The following GSS variants were observed in gnomAD, a reference collection of about 807,000 sequenced individuals.
GSS encodes the protein GSH synthetase.
GSS carries 34 observed loss-of-function variants against 60.4 expected under a neutral mutation model. The ratio of observed to expected loss-of-function variants is 0.56; its 90% CI spans 0.43 to 0.75. GSS has a LOEUF of 0.75. Ranked by LOEUF, GSS falls within the 30% of genes least tolerant of loss-of-function variation. The pLI, the probability that GSS is intolerant of heterozygous loss-of-function variation, is 0.00. For missense variants in GSS, 499 were observed against 595.1 expected (o/e 0.84, Z 1.68); for synonymous variants, 224 against 239.0 (o/e 0.94, Z 0.58).
chr20:34,951,180 C>G (rs2147136259), intron 2 of GSS, among the ~76,000 whole-genome samples: 1 of 152,108 alleles, frequency 6.6e-6, no homozygotes, highest in Admixed American at 6.5e-5. Flanking sequence ...GAAGATGACC[C>G]TAATAGAAGG....
intron 8 of GSS, among the ~76,000 whole-genome samples, chr20:34,936,421 C>T (rs1422289082): frequency 6.6e-6 from 1 of 152,190 alleles, no homozygotes; most frequent in Non-Finnish European, 1.5e-5. Context: ...AGACCAATCA[C>T]AGCATGAGCC....
rs770335357 is a variant in GSS at position 34,935,610 on chromosome 20, C to T, written c.800G>A (p.Arg267Gln). 9 of 1,613,358 alleles carry T rather than the reference C, an allele frequency of 5.6e-6. No individual in the cohort carries two copies. In the East Asian group the frequency reaches 8.9e-5, roughly 16 times the overall value. The change falls in exon 9 of 13, where the codon CGG (arginine) becomes CAG (glutamine). Residue 267 changes from arginine (R) to glutamine (Q), a missense_variant. Physicochemically the swap from Arg to Gln is conservative, Grantham distance 43 (BLOSUM62 1). Coordinates refer to ENST00000651619, the MANE Select transcript of GSS (RefSeq NM_000178.4). ...DGQEIAVVYF[R>Q]DGYMPRQYSL... is the part of the protein sequence containing the mutation. ...GTACTGACGAGGCATGTAGCCATCCCGGAAGTAAACCACAGCAATTTCCTG... is the reference window on the plus strand; with the variant it reads ...GTACTGACGAGGCATGTAGCCATCCTGGAAGTAAACCACAGCAATTTCCTG...
Position 34,946,114 on chromosome 20 carries a change from G to A in GSS, c.130-16C>T, listed in dbSNP as rs752326627. Reference sequence around the variant, plus strand: ...AGCTCACCACCTGTGATCAAGAAGAGAGAATGGGACAGGGGTAGGGCACCT... The same window carrying A: ...AGCTCACCACCTGTGATCAAGAAGAAAGAATGGGACAGGGGTAGGGCACCT... On this transcript the variant is annotated splice_polypyrimidine_tract_variant and intron_variant, in intron 2 of 12. Coordinates refer to ENST00000651619, the MANE Select transcript of GSS (RefSeq NM_000178.4). 6.2e-7 allele frequency: 1 copy of A among 1,604,600 alleles called. No individual in the cohort carries two copies. Among genetic ancestry groups the A allele is most frequent in the Non-Finnish European group, 8.5e-7 (1 of 1,172,554 alleles).
At position 34,944,835 on chromosome 20, in the gene GSS, G is replaced by A. The variant is rs181087498; in HGVS notation, c.275+1118C>T. The stretch of plus-strand genomic sequence containing the variant: ...CCTGTCACATGACATCAGGCGTGGC[G>A]TTTTCCACTGGTAGAGTCATGTGGT... On this transcript the variant is annotated intron_variant, in intron 3 of 12. Transcript: ENST00000651619. Among the ~76,000 whole-genome samples the A allele has an allele frequency of 5.3e-5, 8 of 152,234 alleles. No individual in the cohort carries two copies. The East Asian group carries it at 5.8e-4, about 11-fold the overall frequency.
intron 1 of GSS, 77 bp from the exon 2 acceptor site, chr20:34,951,937 C>A (rs1351902394): frequency 1.4e-6 from 2 of 1,478,512 alleles, no homozygotes; most frequent in Admixed American, 1.7e-5. Flanking sequence ...CTGGCGGCCA[C>A]CCCCAACACA....
At chr20:34,941,162 A>T (rs113594248) in intron 6 of GSS, among the ~76,000 whole-genome samples, 4 of 152,178 alleles carry the variant, frequency 2.6e-5, no homozygotes, top group Admixed American at 6.5e-5. Flanking sequence ...CGAGACCAGC[A>T]TGACCAACAT....
chr20:34,951,944 C>A, intron 1 of GSS, 84 bp from the exon 2 acceptor site: 2 of 1,395,538 alleles, frequency 1.4e-6, no homozygotes, highest in South Asian at 2.3e-5. Context: ...CCACCCCCAA[C>A]ACAGCAGGAC....
At chr20:34,942,372 TGA>T in intron 5 of GSS, 114 bp downstream of exon 5, 2 of 974,552 alleles carry the variant, frequency 2.1e-6, no homozygotes, top group Non-Finnish European at 3.1e-6. Context: ...GGGCAACATG[TGA>T]CCCGGGGCCC....
At chr20:34,933,543 T>C (rs570855948) in intron 9 of GSS, 1 of 153,618 alleles carries the variant, frequency 6.5e-6, no homozygotes, top group Admixed American at 6.5e-5. Flanking sequence ...AGTCTGTCCT[T>C]GGCTCCAGAC....
intron 11 of GSS, among the ~76,000 whole-genome samples, chr20:34,930,525 G>A (rs1032183280): frequency 1.3e-5 from 2 of 151,996 alleles, no homozygotes; most frequent in African/African-American, 2.4e-5. Context: ...CCTAGCCCAG[G>A]CCTCTACGTT....
At chr20:34,948,822 ACC>A (rs1401715036) in intron 2 of GSS, among the ~76,000 whole-genome samples, 5 of 152,066 alleles carry the variant, frequency 3.3e-5, no homozygotes, top group African/African-American at 9.7e-5. Context: ...ATTTAAAAAA[ACC>A]TATAGCACGT....
intron 6 of GSS, among the ~76,000 whole-genome samples, chr20:34,939,997 A>T (rs989394291): frequency 6.6e-6 from 1 of 151,972 alleles, no homozygotes; most frequent in African/African-American, 2.4e-5. Flanking sequence ...GTACCACATA[A>T]TGATCCACAC....
intron 6 of GSS, among the ~76,000 whole-genome samples, chr20:34,938,102 C>T (rs778242919): frequency 8.5e-5 from 13 of 152,166 alleles, no homozygotes; most frequent in Non-Finnish European, 1.6e-4. Context: ...AGGTGATCTG[C>T]CCGCCTCGGC....
chr20:34,951,755 A>T lies in GSS; in HGVS notation c.98T>A (p.Leu33Gln). Residue 33 changes from leucine to glutamine, a missense_variant, in exon 2 of 13, where the codon CTG becomes CAG. Transcript: ENST00000651619. ...GGAAGTGGGCTCCTGTGAGGTCCTCAGCAATACTCCCTCAGCCAGGGCCCG... is the reference window on the plus strand; with the variant it reads ...GGAAGTGGGCTCCTGTGAGGTCCTCTGCAATACTCCCTCAGCCAGGGCCCG... ...VDRALAEGVL[L>Q]RTSQEPTSSE... 6.2e-7 allele frequency: 1 copy of T among 1,612,214 alleles called. No individual in the cohort carries two copies. The highest frequency in any genetic ancestry group is 8.5e-7 in the Non-Finnish European group (1 of 1,179,052).
At chr20:34,942,755 G>T (rs2081494130) in intron 4 of GSS, 128 bp from the exon 5 acceptor site, 19 of 1,021,080 alleles carry the variant, frequency 1.9e-5, no homozygotes, top group Non-Finnish European at 2.9e-5. Context: ...CCCAAGCCCA[G>T]TGGAATCATT....
At chr20:34,940,301 T>C (rs1333352496) in intron 6 of GSS, among the ~76,000 whole-genome samples, 1 of 152,198 alleles carries the variant, frequency 6.6e-6, no homozygotes, top group Non-Finnish European at 1.5e-5. Flanking sequence ...CTCTGCAGCA[T>C]TTGTCTGTCA....
intron 3 of GSS, among the ~76,000 whole-genome samples, chr20:34,944,578 C>T (rs2081506722): frequency 2.0e-5 from 3 of 152,184 alleles, no homozygotes; most frequent in African/African-American, 4.8e-5. Context: ...TAATCAAAGA[C>T]ATGCAATTAC....
chr20:34,943,148 A>G (rs1430909756), intron 3 of GSS, 142 bp from the exon 4 acceptor site: 6 of 713,624 alleles, frequency 8.4e-6, no homozygotes, highest in African/African-American at 5.2e-5. Context: ...GGTAGAGAAC[A>G]GTGGCTAAGA....
intron 8 of GSS, among the ~76,000 whole-genome samples, chr20:34,936,046 T>G (rs911817063): frequency 6.6e-6 from 1 of 152,128 alleles, no homozygotes; most frequent in African/African-American, 2.4e-5. Flanking sequence ...AATGAAAAAA[T>G]TTTTAATGGC....
Sources: gnomAD v4.1 joint callset for allele counts (sites outside exome capture counted in the v4.1 genomes callset) on GRCh38, gnomAD v4.1.1 for gene constraint, MANE v1.5 for transcripts, NCBI Gene and HGNC (gene_info 2026-07-23, HGNC 2026-07-21) for gene names.